Variants in IL1R2 observed in about 807,000 individuals in gnomAD.
IL1R2 encodes interleukin-1 receptor type 2.
A neutral mutation model predicts 39.5 loss-of-function variants in IL1R2; 46 were observed. The ratio of observed to expected loss-of-function variants is 1.16; its 90% CI spans 0.92 to 1.49. IL1R2 has a LOEUF of 1.49. IL1R2 is among the 40% of genes most tolerant of loss of function. The pLI is 0.00. For missense variants in IL1R2, 537 were observed against 502.0 expected (o/e 1.07, Z -0.67); for synonymous variants, 207 against 189.6 (o/e 1.09, Z -0.75).
At chr2:102,000,866 G>A (rs1675822498) in intron 1 of IL1R2, among the ~76,000 whole-genome samples, 1 of 152,212 alleles carries the variant, frequency 6.6e-6, no homozygotes, top group South Asian at 2.1e-4. Context: ...AGACTCATGA[G>A]TTTTGTCCTC....
chr2:102,024,831 T>C, intron 7 of IL1R2, 163 bp downstream of exon 7: 1 of 905,212 alleles, frequency 1.1e-6, no homozygotes, highest in Non-Finnish European at 1.6e-6. Flanking sequence ...AAAAATTATC[T>C]TGAGAATCAA....
chr2:102,011,671 T>A (rs1466768880), intron 3 of IL1R2, among the ~76,000 whole-genome samples: 1 of 152,234 alleles, frequency 6.6e-6, no homozygotes. Flanking sequence ...ATCAGATATA[T>A]AGTTAGAAAT....
intron 1 of IL1R2, among the ~76,000 whole-genome samples, chr2:102,003,162 G>A (rs1271092259): frequency 7.7e-5 from 9 of 117,244 alleles, no homozygotes; most frequent in Non-Finnish European, 1.6e-4. Context: ...GTCTCTGTCT[G>A]TGTCTATGTC....
intron 1 of IL1R2, among the ~76,000 whole-genome samples, chr2:102,002,673 G>T (rs1480914324): frequency 2.7e-5 from 4 of 147,492 alleles, no homozygotes; most frequent in African/African-American, 5.0e-5. Context: ...TCTAAGTCTA[G>T]GTCTAGGTCT....
At chr2:102,019,591 G>T in intron 4 of IL1R2, 47 bp from the exon 5 acceptor site, 1 of 1,273,420 alleles carries the variant, frequency 7.9e-7, no homozygotes, top group Non-Finnish European at 1.1e-6. Flanking sequence ...TAGCCTTTGA[G>T]ATGTATATTG....
At chr2:102,026,539 G>A (rs919352683) in intron 8 of IL1R2, among the ~76,000 whole-genome samples, 1 of 152,180 alleles carries the variant, frequency 6.6e-6, no homozygotes, top group Non-Finnish European at 1.5e-5. Flanking sequence ...TCTGCATGTG[G>A]CTCTGCCTTG....
chr2:102,009,517 C>T, intron 2 of IL1R2, 45 bp from the exon 3 acceptor site: 1 of 1,592,382 alleles, frequency 6.3e-7, no homozygotes, highest in Non-Finnish European at 8.6e-7. Context: ...ATGATCTGAG[C>T]AAGTTTTGGA....
chr2:102,008,446 AC>A, intron 1 of IL1R2, 68 bp from the exon 2 acceptor site: 1 of 745,162 alleles, frequency 1.3e-6, no homozygotes, highest in Admixed American at 1.9e-5. Context: ...CCCTGCCCCT[AC>A]CCCGTCTTCA....
At position 102,000,525 on chromosome 2, in the gene IL1R2, C is replaced by T. The variant is rs183398496; in HGVS notation, c.-61-7990C>T. Among the ~76,000 whole-genome samples the T allele has an allele frequency of 3.7e-3, 565 of 152,256 alleles. 5 individuals are homozygous for T. The highest frequency in any genetic ancestry group is 0.015 in the South Asian group (73 of 4,824). On this transcript the variant is annotated intron_variant, in intron 1 of 8. Transcript: ENST00000332549. ...GTTAAGAGGGAGGAAATTTTGGGAT[C>T]CAAAATGGCAGACATTTCTAATTAT... is the stretch of plus-strand genomic sequence containing the variant.
chr2:102,006,748 C>A (rs150975850), intron 1 of IL1R2, among the ~76,000 whole-genome samples: 1 of 152,212 alleles, frequency 6.6e-6, no homozygotes, highest in Admixed American at 6.5e-5. Flanking sequence ...ACCATCCTTG[C>A]GGAGCCAGAA....
At position 102,019,811 on chromosome 2, in the gene IL1R2, G is replaced by C; in HGVS notation, c.687G>C (p.Lys229Asn). The change falls in exon 5 of 9, where the codon AAG (lysine) becomes AAC (asparagine). Residue 229 changes from lysine (K) to asparagine (N), a missense_variant and splice_region_variant. Physicochemically the swap from Lys to Asn is moderately conservative, Grantham distance 94. Transcript: ENST00000332549. ...CTAGGAGTATTGAGCTACGCATCAA[G>C]AGTAAGTACTTGCCATTGAGGCACC... ...NITRSIELRI[K>N]KKKEETIPVI... 6.2e-7 allele frequency: 1 copy of C among 1,612,622 alleles called. No homozygotes were observed. Among genetic ancestry groups the C allele is most frequent in the Non-Finnish European group, 8.5e-7 (1 of 1,179,334 alleles).
chr2:101,997,158 G>T (rs1212787802), intron 1 of IL1R2, among the ~76,000 whole-genome samples: 2 of 152,198 alleles, frequency 1.3e-5, no homozygotes, highest in Non-Finnish European at 2.9e-5. Context: ...GACCTTCCTG[G>T]TCATGAGGTG....
intron 1 of IL1R2, chr2:102,001,954 T>A (rs1464501225): frequency 6.6e-6 from 1 of 152,192 alleles, no homozygotes; most frequent in Admixed American, 6.5e-5. Flanking sequence ...CCTGCCACCG[T>A]GTTTTTGTTC....
rs537099839 is a variant in IL1R2, at chr2:102,012,917, C to T, written c.333-2954C>T. Among the ~76,000 whole-genome samples the T allele has an allele frequency of 2.0e-5, 3 of 152,234 alleles. No individual in the cohort carries two copies. The South Asian group carries it at 6.2e-4, about 32-fold the overall frequency. Reference sequence around the variant, plus strand: ...ATTTCCTATCTGGTGGGACCTTGGGCTTATCACTTGACTTTTATGGGTGTT... The same window carrying T: ...ATTTCCTATCTGGTGGGACCTTGGGTTTATCACTTGACTTTTATGGGTGTT... On this transcript the variant is annotated intron_variant, in intron 3 of 8. Transcript: ENST00000332549.
At chr2:102,007,207 G>A (rs914369650) in intron 1 of IL1R2, among the ~76,000 whole-genome samples, 3 of 152,178 alleles carry the variant, frequency 2.0e-5, no homozygotes, top group South Asian at 4.1e-4. Flanking sequence ...TCAGGGAGAC[G>A]AGGAGGGCAT....
At chr2:101,996,376 G>A (rs2150417342) in intron 1 of IL1R2, among the ~76,000 whole-genome samples, 1 of 152,034 alleles carries the variant, frequency 6.6e-6, no homozygotes, top group South Asian at 2.1e-4. Context: ...CTGGTCTGTG[G>A]AAACCCAGCA....
At chr2:102,015,222 G>A (rs545416617) in intron 3 of IL1R2, among the ~76,000 whole-genome samples, 2 of 152,250 alleles carry the variant, frequency 1.3e-5, no homozygotes, top group Non-Finnish European at 2.9e-5. Context: ...TGGGCTCAAG[G>A]AGCTCCAGAA....
chr2:102,006,201 G>C (rs1408027810), intron 1 of IL1R2, among the ~76,000 whole-genome samples: 1 of 152,164 alleles, frequency 6.6e-6, no homozygotes, highest in Non-Finnish European at 1.5e-5. Flanking sequence ...GACCAGTATA[G>C]TTGGGGATGT....
In IL1R2 at chr2:102,016,039, T is replaced by A; in HGVS notation, c.501T>A (p.Ile167=). The A allele has an allele frequency of 6.2e-7, 1 of 1,613,374 alleles. No homozygotes were observed. The highest frequency in any genetic ancestry group is 8.5e-7 in the Non-Finnish European group (1 of 1,179,480). The change falls in exon 4 of 9, where the codon ATT becomes ATA. Residue 167 remains isoleucine (I), a synonymous_variant. Transcript: ENST00000332549. ...EFTRDKTDVK[I]QWYKDSLLLD... ...CCCGTGACAAAACTGACGTGAAGAT[T>A]CAATGGTACAAGGTACGGCTTTAAA...
Sources: allele counts gnomAD v4.1 joint callset (sites outside exome capture counted in the v4.1 genomes callset), GRCh38; gene constraint gnomAD v4.1.1; transcripts MANE v1.5; gene names NCBI Gene and HGNC (gene_info 2026-07-23, HGNC 2026-07-21).